The following MAST4 variants were observed in gnomAD, a reference collection of about 807,000 sequenced individuals.
MAST4 encodes the protein microtubule-associated serine/threonine-protein kinase 4.
Under a neutral mutation model 162.7 loss-of-function variants are expected in MAST4, and 89 were observed. The observed-to-expected ratio is 0.55, with a 90% confidence interval of 0.46 to 0.65. MAST4 has a LOEUF of 0.65. Among genes scored for constraint, MAST4 ranks in the 30% least tolerant of loss-of-function variants. The pLI, the probability that MAST4 is intolerant of heterozygous loss-of-function variation, is 0.00. For missense variants in MAST4, 3,153 were observed against 3,374.0 expected, an observed-to-expected ratio of 0.93 and a Z score of 1.62; for synonymous variants, 1,479 against 1,361.1, an observed-to-expected ratio of 1.09 and a Z score of -1.91.
intron 4 of MAST4, among the ~76,000 whole-genome samples, chr5:66,951,959 C>T (rs1744764633): frequency 6.6e-6 from 1 of 152,128 alleles, no homozygotes; most frequent in African/African-American, 2.4e-5. Context: ...TGATTTTCCT[C>T]ACCCTCATTA....
intron 6 of MAST4, among the ~76,000 whole-genome samples, chr5:67,091,295 T>G (rs533400653): frequency 1.3e-5 from 2 of 152,230 alleles, no homozygotes; most frequent in Non-Finnish European, 2.9e-5. Context: ...ATAAATCTGA[T>G]GTAAAAAAGT....
chr5:66,950,356 G>A (rs887517114), intron 4 of MAST4, among the ~76,000 whole-genome samples: 1 of 151,298 alleles, frequency 6.6e-6, no homozygotes, highest in Non-Finnish European at 1.5e-5. Flanking sequence ...AAGTATCACT[G>A]CCATGCATCT....
chr5:67,094,132 C>A, intron 6 of MAST4: 3 of 1,452,338 alleles, frequency 2.1e-6, no homozygotes, highest in Non-Finnish European at 2.8e-6. Context: ...ATACTTGATT[C>A]ATTTGTACTC....
chr5:67,119,066 C>T (rs575080543), intron 13 of MAST4, among the ~76,000 whole-genome samples: 2 of 152,188 alleles, frequency 1.3e-5, no homozygotes, highest in Non-Finnish European at 2.9e-5. Context: ...GCAAGGGAGA[C>T]AGCAGAAACT....
chr5:66,736,597 G>A (rs565595369), intron 1 of MAST4, among the ~76,000 whole-genome samples: 44 of 152,338 alleles, frequency 2.9e-4, no homozygotes, highest in African/African-American at 1.1e-3. Context: ...AGTTCTTTAA[G>A]TCTTTTTTAA....
chr5:66,963,896 G>T, intron 4 of MAST4: 1 of 764,386 alleles, frequency 1.3e-6, no homozygotes. Context: ...TCCACAGGGT[G>T]AGGAAACTGG....
intron 1 of MAST4, among the ~76,000 whole-genome samples, chr5:66,656,459 T>C (rs770655519): frequency 5.3e-5 from 8 of 152,228 alleles, no homozygotes; most frequent in Non-Finnish European, 1.2e-4. Context: ...CCTGGGTATA[T>C]TAACTCCATT....
intron 3 of MAST4, among the ~76,000 whole-genome samples, chr5:66,860,911 G>A (rs977782738): frequency 4.6e-5 from 7 of 152,136 alleles, no homozygotes; most frequent in South Asian, 2.1e-4. Context: ...TGTGCATGGC[G>A]GAAGCACTTT....
rs1201266304 is a variant in MAST4 at position 66,776,286 on chromosome 5, T to C, written c.518-12384T>C. 3.3e-5 allele frequency among the ~76,000 whole-genome samples: 5 copies of C among 152,230 alleles called. No individual in the cohort carries two copies. The East Asian group carries it at 9.6e-4, about 29-fold the overall frequency. On this transcript the variant is annotated intron_variant, in intron 2 of 28. Coordinates refer to ENST00000403625, the MANE Select transcript of MAST4 (RefSeq NM_001164664.2). ...ATGGTTGTCAGAAATGTTTTGTGTC[T>C]CAGGGTTGCCAGTGACATTTGAGTG...
intron 9 of MAST4, among the ~76,000 whole-genome samples, chr5:67,102,926 C>G (rs1765188413): frequency 6.6e-6 from 1 of 152,138 alleles, no homozygotes. Context: ...ACTGTGCACT[C>G]TGTACCCATA....
At chr5:67,041,250 T>C (rs1473952764) in intron 4 of MAST4, among the ~76,000 whole-genome samples, 1 of 152,190 alleles carries the variant, frequency 6.6e-6, no homozygotes, top group Non-Finnish European at 1.5e-5. Flanking sequence ...TGTTGACAAT[T>C]AGAAGCCATT....
rs1561400109 is a variant in MAST4 at position 66,871,198 on chromosome 5, T to A, written c.643-28753T>A. On this transcript the variant is annotated intron_variant, in intron 3 of 28. Transcript: ENST00000403625. ...CCAGTGGAACACTGTTATATAGTTG[T>A]ATTATGTAGTTTTTCCACCGTATAA... Among the ~76,000 whole-genome samples, 3 of 152,198 alleles carry A rather than the reference T, an allele frequency of 2.0e-5. No homozygotes were observed. In the South Asian group the frequency reaches 6.2e-4, roughly 31 times the overall value.
chr5:67,155,702 C>G (rs1772400327), intron 26 of MAST4, among the ~76,000 whole-genome samples: 1 of 152,134 alleles, frequency 6.6e-6, no homozygotes, highest in East Asian at 1.9e-4. Context: ...TACCATCCTC[C>G]CATATCTGTC....
intron 3 of MAST4, among the ~76,000 whole-genome samples, chr5:66,857,170 C>CT: frequency 6.6e-6 from 1 of 152,160 alleles, no homozygotes; most frequent in Non-Finnish European, 1.5e-5. Flanking sequence ...CGTTTTGGAA[C>CT]TTTTTTTCCC....
At chr5:66,897,114 C>T (rs571516169) in intron 3 of MAST4, among the ~76,000 whole-genome samples, 3 of 148,728 alleles carry the variant, frequency 2.0e-5, no homozygotes, top group East Asian at 3.9e-4. Flanking sequence ...AATCCAGTGT[C>T]AACAATTAGC....
chr5:66,867,336 G>A (rs1393661219), intron 3 of MAST4, among the ~76,000 whole-genome samples: 4 of 152,032 alleles, frequency 2.6e-5, no homozygotes, highest in African/African-American at 4.8e-5. Flanking sequence ...ATTATTTCAC[G>A]CCTGATACAT....
intron 3 of MAST4, chr5:66,828,960 C>T: frequency 8.7e-7 from 1 of 1,150,754 alleles, no homozygotes; most frequent in South Asian, 1.3e-5. Flanking sequence ...CCTTGTCATT[C>T]CTTTACTGGG....
intron 12 of MAST4, among the ~76,000 whole-genome samples, chr5:67,116,135 G>C (rs982989273): frequency 1.3e-5 from 2 of 152,116 alleles, no homozygotes; most frequent in African/African-American, 4.8e-5. Context: ...TTTAATCACT[G>C]GGAGTTGTGT....
In MAST4 at chr5:66,852,138, T is replaced by C. The variant is rs74774285; in HGVS notation, c.643-47813T>C. 5.5e-3 allele frequency among the ~76,000 whole-genome samples: 842 copies of C among 152,302 alleles called. 9 individuals carry two copies. The highest frequency in any genetic ancestry group is 0.019 in the African/African-American group (804 of 41,574). ...TATAAGCTGTAATCCTCAAAATAGC[T>C]AGGCATTATTAACTCCTTTTTCTTT... On this transcript the variant is annotated intron_variant, in intron 3 of 28. Coordinates refer to ENST00000403625, the MANE Select transcript of MAST4 (RefSeq NM_001164664.2).
Sources: allele counts gnomAD v4.1 joint callset (sites outside exome capture counted in the v4.1 genomes callset), GRCh38; gene constraint gnomAD v4.1.1; transcripts MANE v1.5; gene names NCBI Gene and HGNC (gene_info 2026-07-23, HGNC 2026-07-21).